The following THSD7B variants were observed in gnomAD, a reference collection of about 807,000 sequenced individuals.
THSD7B encodes the protein thrombospondin type-1 domain-containing protein 7B.
A neutral mutation model predicts 213.6 loss-of-function variants in THSD7B; 138 were observed. The observed-to-expected ratio is 0.65, with a 90% confidence interval of 0.56 to 0.74. The LOEUF (loss-of-function observed/expected upper bound fraction) is 0.74. THSD7B is among the 30% of genes least tolerant of loss of function. The pLI, the probability that THSD7B is intolerant of heterozygous loss-of-function variation, is 0.00. For synonymous variants in THSD7B, 742 were observed against 687.0 expected, an observed-to-expected ratio of 1.08 and a Z score of -1.25; for missense variants, 1,931 against 1,991.5, an observed-to-expected ratio of 0.97 and a Z score of 0.58.
intron 2 of THSD7B, among the ~76,000 whole-genome samples, chr2:137,008,336 T>C (rs930045748): frequency 1.3e-5 from 2 of 152,112 alleles, no homozygotes; most frequent in African/African-American, 4.8e-5. Context: ...GAAGGCCCTT[T>C]TGAAAAAATT....
At chr2:136,830,893 G>A (rs145888313) in intron 1 of THSD7B, among the ~76,000 whole-genome samples, 2,344 of 152,216 alleles carry the variant, frequency 0.015, 26 homozygotes, top group South Asian at 0.038. Flanking sequence ...CTTGGGATAA[G>A]TGATCCATAA....
chr2:137,066,163 G>A (rs34594287), intron 3 of THSD7B, among the ~76,000 whole-genome samples: 24,491 of 143,736 alleles, frequency 0.17, 2,762 homozygotes, highest in African/African-American at 0.32. Flanking sequence ...TTCATTGGAT[G>A]TAGAATTTAG....
chr2:136,974,341 C>T (rs1174367634), intron 2 of THSD7B, among the ~76,000 whole-genome samples: 1 of 152,088 alleles, frequency 6.6e-6, no homozygotes, highest in African/African-American at 2.4e-5. Context: ...TAATGCTCTC[C>T]CTCCCCTGAA....
intron 22 of THSD7B, 80 bp from the exon 23 acceptor site, chr2:137,656,716 T>G (rs1031411487): frequency 7.2e-7 from 1 of 1,387,354 alleles, no homozygotes; most frequent in African/African-American, 1.4e-5. Context: ...CAAATCTCTG[T>G]GTGAGCCCTG....
chr2:137,128,222 A>G (rs1489636736), intron 5 of THSD7B, among the ~76,000 whole-genome samples: 1 of 152,184 alleles, frequency 6.6e-6, no homozygotes, highest in African/African-American at 2.4e-5. Flanking sequence ...AATAAAGCTT[A>G]CAACACCACT....
chr2:136,943,479 T>A (rs1005787653), intron 2 of THSD7B, among the ~76,000 whole-genome samples: 2 of 152,244 alleles, frequency 1.3e-5, no homozygotes, highest in African/African-American at 4.8e-5. Context: ...TTTGTACCTC[T>A]GGTAGAATTC....
chr2:136,790,670 C>T (rs1174622696), intron 1 of THSD7B, among the ~76,000 whole-genome samples: 1 of 152,002 alleles, frequency 6.6e-6, no homozygotes, highest in Non-Finnish European at 1.5e-5. Flanking sequence ...TGATAGTTAG[C>T]ATATTGGGGG....
chr2:137,357,189 A>G (rs1023970752), intron 12 of THSD7B, among the ~76,000 whole-genome samples: 3 of 152,218 alleles, frequency 2.0e-5, no homozygotes, highest in African/African-American at 7.2e-5. Context: ...AAGGAAAGTC[A>G]CTTTTAAGGA....
At chr2:137,603,096 C>T (rs1682105725) in intron 17 of THSD7B, among the ~76,000 whole-genome samples, 1 of 152,196 alleles carries the variant, frequency 6.6e-6, no homozygotes. Context: ...TTAGATGATG[C>T]TTTGCTGAAC....
At position 137,424,021 on chromosome 2, in the gene THSD7B, C is replaced by T. The variant is rs183094009; in HGVS notation, c.2959+12149C>T. ...ATAAATAAACCCTTACATTTATGCT[C>T]AATTGATTTTCAACAAGGGTACTAT... On this transcript the variant is annotated intron_variant, in intron 14 of 27. Coordinates refer to ENST00000409968, the MANE Select transcript of THSD7B (RefSeq NM_001316349.2). 1.8e-4 allele frequency among the ~76,000 whole-genome samples: 27 copies of T among 152,152 alleles called. 1 individual carries two copies. Among genetic ancestry groups the T allele is most frequent in the African/African-American group, 6.3e-4 (26 of 41,536 alleles).
Position 137,563,255 on chromosome 2 carries a change from A to G in THSD7B, c.3173A>G (p.Asn1058Ser). 1 of 1,613,420 alleles carries G rather than the reference A, an allele frequency of 6.2e-7. No individual in the cohort carries two copies. The highest frequency in any genetic ancestry group is 8.5e-7 in the Non-Finnish European group (1 of 1,179,570). ...GCAGTCCCATGTTACAGTGAGTGCAATCAGTATTCCTGGGTTGTAGAACAC... is the reference window on the plus strand; with the variant it reads ...GCAGTCCCATGTTACAGTGAGTGCAGTCAGTATTCCTGGGTTGTAGAACAC... ...HEAVPCYSEC[N>S]QYSWVVEHWS... Residue 1058 changes from asparagine to serine, a missense_variant, in exon 16 of 28, where the codon AAT becomes AGT. Asn to Ser is a conservative substitution (Grantham distance 46, BLOSUM62 1). Transcript: ENST00000409968.
rs567314078 is a variant in THSD7B at position 137,449,268 on chromosome 2, G to A, written c.2960-1577G>A. On this transcript the variant is annotated intron_variant, in intron 14 of 27. Coordinates refer to ENST00000409968, the MANE Select transcript of THSD7B (RefSeq NM_001316349.2). Reference sequence around the variant, plus strand: ...ACTTATTTATTTGTTTTAATATAAGGATTTGTGACACATTTTAATGTTTGT... The same window carrying A: ...ACTTATTTATTTGTTTTAATATAAGAATTTGTGACACATTTTAATGTTTGT... Among the ~76,000 whole-genome samples, 39 of 152,294 alleles carry A rather than the reference G, an allele frequency of 2.6e-4. 2 individuals carry two copies. The South Asian group carries it at 8.1e-3, about 32-fold the overall frequency.
chr2:136,953,572 A>C lies in THSD7B; in HGVS notation c.139+71255A>C, dbSNP rs542571009. On this transcript the variant is annotated intron_variant, in intron 2 of 27. Coordinates refer to ENST00000409968, the MANE Select transcript of THSD7B (RefSeq NM_001316349.2). ...ATGCCACTTATGTACAAATGTATGA[A>C]AGTCATTAATAAGATTAACATGAGT... Among the ~76,000 whole-genome samples the C allele has an allele frequency of 5.3e-5, 8 of 152,276 alleles. No individual in the cohort carries two copies. The South Asian group carries it at 1.7e-3, about 32-fold the overall frequency.
intron 2 of THSD7B, among the ~76,000 whole-genome samples, chr2:136,980,590 C>G (rs887134021): frequency 6.6e-6 from 1 of 152,188 alleles, no homozygotes; most frequent in East Asian, 1.9e-4. Context: ...CCCAGTCTCC[C>G]TGGCACCGAC....
intron 14 of THSD7B, among the ~76,000 whole-genome samples, chr2:137,449,873 G>A (rs1235523530): frequency 6.6e-6 from 1 of 151,962 alleles, no homozygotes; most frequent in African/African-American, 2.4e-5. Flanking sequence ...CTTCACATTT[G>A]CCATATACCA....
chr2:137,516,103 G>A (rs1342696459), intron 15 of THSD7B, among the ~76,000 whole-genome samples: 1 of 152,192 alleles, frequency 6.6e-6, no homozygotes, highest in Non-Finnish European at 1.5e-5. Context: ...AAGGTAAGGT[G>A]GGTGTAGCTG....
chr2:137,675,038 A>G (rs1480482238), intron 27 of THSD7B, among the ~76,000 whole-genome samples: 1 of 151,806 alleles, frequency 6.6e-6, no homozygotes, highest in Non-Finnish European at 1.5e-5. Flanking sequence ...TTCACATAAC[A>G]TAAAATTCAC....
Position 137,323,070 on chromosome 2 carries a change from A to G in THSD7B, c.2500+47044A>G, listed in dbSNP as rs186847629. 2.2e-4 allele frequency among the ~76,000 whole-genome samples: 34 copies of G among 152,332 alleles called. No homozygotes were observed. The East Asian group carries it at 6.2e-3, about 28-fold the overall frequency. ...CAAGCTCACTGGTCACCACCAGTCA[A>G]CATACAGTGTAGTAGAAACTCAAGG... On this transcript the variant is annotated intron_variant, in intron 12 of 27. Transcript: ENST00000409968.
At chr2:137,479,670 A>G (rs1688261306) in intron 15 of THSD7B, among the ~76,000 whole-genome samples, 1 of 152,076 alleles carries the variant, frequency 6.6e-6, no homozygotes, top group Non-Finnish European at 1.5e-5. Context: ...CCAATGGTTC[A>G]TGTTTTTGCC....
Sources: allele counts gnomAD v4.1 joint callset (sites outside exome capture counted in the v4.1 genomes callset), GRCh38; gene constraint gnomAD v4.1.1; transcripts MANE v1.5; gene names NCBI Gene and HGNC (gene_info 2026-07-23, HGNC 2026-07-21).